SLC2A13: variants seen among roughly 807,000 people sequenced by gnomAD.
The protein encoded by SLC2A13 is proton myo-inositol cotransporter.
A neutral mutation model predicts 64.4 loss-of-function variants in SLC2A13; 32 were observed. The observed-to-expected ratio is 0.50, with a 90% CI of 0.37 to 0.67. SLC2A13 has a LOEUF of 0.67. Among genes scored for constraint, SLC2A13 ranks in the 30% least tolerant of loss-of-function variants. The pLI, the probability that SLC2A13 is intolerant of heterozygous loss-of-function variation, is 0.00. For missense variants in SLC2A13, 743 were observed against 829.2 expected, an observed-to-expected ratio of 0.90 and a Z score of 1.28; for synonymous variants, 338 against 327.1, an observed-to-expected ratio of 1.03 and a Z score of -0.36.
intron 1 of SLC2A13, among the ~76,000 whole-genome samples, chr12:40,082,375 C>A (rs1352699200): frequency 6.6e-6 from 1 of 152,168 alleles, no homozygotes; most frequent in African/African-American, 2.4e-5. Context: ...TTGCATTTTG[C>A]ATTATTTCCA....
At chr12:39,953,601 G>A (rs1009976296) in intron 3 of SLC2A13, among the ~76,000 whole-genome samples, 3 of 151,996 alleles carry the variant, frequency 2.0e-5, no homozygotes, top group Non-Finnish European at 4.4e-5. Flanking sequence ...CATTTCTTTT[G>A]CTTTTGTAAT....
chr12:39,893,162 A>G (rs1169461617), intron 4 of SLC2A13, among the ~76,000 whole-genome samples: 1 of 152,244 alleles, frequency 6.6e-6, no homozygotes, highest in Non-Finnish European at 1.5e-5. Context: ...AAGCAACAAC[A>G]TATTCAGTCA....
intron 4 of SLC2A13, among the ~76,000 whole-genome samples, chr12:39,884,380 T>A (rs1944420782): frequency 6.6e-6 from 1 of 152,202 alleles, no homozygotes; most frequent in Admixed American, 6.6e-5. Flanking sequence ...TTCGCCAAAC[T>A]TCGTATTTTC....
At chr12:39,881,493 C>T (rs1301169880) in intron 4 of SLC2A13, among the ~76,000 whole-genome samples, 1 of 152,106 alleles carries the variant, frequency 6.6e-6, no homozygotes, top group Non-Finnish European at 1.5e-5. Flanking sequence ...TTTCACCTCG[C>T]CTCATCATGT....
At chr12:39,887,147 T>C (rs938666738) in intron 4 of SLC2A13, among the ~76,000 whole-genome samples, 4 of 152,224 alleles carry the variant, frequency 2.6e-5, no homozygotes, top group African/African-American at 9.6e-5. Flanking sequence ...TTTAACACTT[T>C]AAATTTTTTT....
At chr12:39,974,027 G>GT (rs1189804572) in intron 3 of SLC2A13, among the ~76,000 whole-genome samples, 2 of 152,198 alleles carry the variant, frequency 1.3e-5, no homozygotes. Flanking sequence ...CTCAGTTTCT[G>GT]TAAGAGTTCT....
At chr12:39,922,315 A>C (rs1379621952) in intron 4 of SLC2A13, among the ~76,000 whole-genome samples, 1 of 151,902 alleles carries the variant, frequency 6.6e-6, no homozygotes, top group East Asian at 1.9e-4. Context: ...CCAGAAGATA[A>C]CCCCCACCCT....
intron 1 of SLC2A13, among the ~76,000 whole-genome samples, chr12:40,057,637 TG>T (rs1317248071): frequency 5.3e-5 from 8 of 152,146 alleles, no homozygotes; most frequent in Admixed American, 2.6e-4. Flanking sequence ...ACATATTTCT[TG>T]AGCTACACTG....
At position 39,755,798 on chromosome 12, in the gene SLC2A13, GTACATA is replaced by G. The variant is rs1317857597; in HGVS notation, c.*4222_*4227del. On this transcript the variant is annotated 3_prime_UTR_variant, in exon 10 of 10. Transcript: ENST00000280871. ...TCAAGTACAACAGACTATATATTTTGTACATATAAAGATTTACATAAATTATATTGT... is the reference window on the plus strand; with the variant it reads ...TCAAGTACAACAGACTATATATTTTGTAAAGATTTACATAAATTATATTGT... 6.6e-6 allele frequency: 1 copy of G among 151,874 alleles called. No homozygotes were observed. Among genetic ancestry groups the G allele is most frequent in the African/African-American group, 2.4e-5 (1 of 41,372 alleles). The allele number at this position is 151,874 out of a possible 1,614,324, so 9.4% of individuals were successfully genotyped here. A position where few individuals can be genotyped will look rare whatever the true frequency, so the allele number is the denominator to read the frequency against.
intron 7 of SLC2A13, among the ~76,000 whole-genome samples, chr12:39,766,465 G>A (rs1166466460): frequency 6.6e-6 from 1 of 152,058 alleles, no homozygotes; most frequent in Non-Finnish European, 1.5e-5. Flanking sequence ...TTTTGGTGGA[G>A]GGTCTTGCCT....
chr12:39,953,456 A>G (rs1048487393), intron 3 of SLC2A13, among the ~76,000 whole-genome samples: 1 of 152,166 alleles, frequency 6.6e-6, no homozygotes, highest in Non-Finnish European at 1.5e-5. Flanking sequence ...ATTAGGCAGT[A>G]AAACTTCCTT....
chr12:40,056,772 C>T (rs919273786), intron 1 of SLC2A13, among the ~76,000 whole-genome samples: 5 of 152,034 alleles, frequency 3.3e-5, no homozygotes, highest in African/African-American at 1.2e-4. Context: ...CAATAAAGGG[C>T]TGAGGAGTAA....
At chr12:39,997,786 G>A (rs746683961) in intron 3 of SLC2A13, among the ~76,000 whole-genome samples, 5 of 152,060 alleles carry the variant, frequency 3.3e-5, no homozygotes, top group Admixed American at 6.6e-5. Context: ...AGCCGAGATC[G>A]CACCACTGCA....
At chr12:39,763,527 C>T (rs1940240523) in intron 9 of SLC2A13, among the ~76,000 whole-genome samples, 1 of 152,002 alleles carries the variant, frequency 6.6e-6, no homozygotes, top group African/African-American at 2.4e-5. Context: ...ACAGTCCTGG[C>T]CCTCCAGGGA....
At chr12:39,895,220 A>G (rs1480104830) in intron 4 of SLC2A13, among the ~76,000 whole-genome samples, 1 of 151,986 alleles carries the variant, frequency 6.6e-6, no homozygotes, top group Non-Finnish European at 1.5e-5. Flanking sequence ...GTACCTCAGG[A>G]TGTAACTAAA....
chr12:39,758,022 T>G lies in SLC2A13; in HGVS notation c.*2004A>C, dbSNP rs1458337681. 1.3e-5 allele frequency: 2 copies of G among 151,790 alleles called. No homozygotes were observed. Among genetic ancestry groups the G allele is most frequent in the Non-Finnish European group, 3.0e-5 (2 of 67,682 alleles). 9.4% of individuals were successfully genotyped at this position (151,790 alleles called of 1,614,324 possible). On this transcript the variant is annotated 3_prime_UTR_variant, in exon 10 of 10. Coordinates refer to ENST00000280871, the MANE Select transcript of SLC2A13 (RefSeq NM_052885.4). ...ACTTCAATTTACCTGTGTAAAATATTAGATAAGAAATTTCTTATGAGATAA... is the reference window on the plus strand; with the variant it reads ...ACTTCAATTTACCTGTGTAAAATATGAGATAAGAAATTTCTTATGAGATAA...
At chr12:39,994,392 A>C (rs1406441932) in intron 3 of SLC2A13, among the ~76,000 whole-genome samples, 2 of 151,818 alleles carry the variant, frequency 1.3e-5, no homozygotes, top group African/African-American at 4.8e-5. Context: ...CAAAAAAAAA[A>C]AAAACAAAAA....
intron 2 of SLC2A13, among the ~76,000 whole-genome samples, chr12:40,046,117 A>G (rs1004108080): frequency 5.3e-5 from 8 of 152,234 alleles, no homozygotes; most frequent in Non-Finnish European, 1.0e-4. Context: ...TATAATAAGT[A>G]ATTTGGATCC....
chr12:39,989,330 C>A (rs953501590), intron 3 of SLC2A13, among the ~76,000 whole-genome samples: 1 of 152,182 alleles, frequency 6.6e-6, no homozygotes, highest in Non-Finnish European at 1.5e-5. Flanking sequence ...CCTCAATATC[C>A]TCAACCATCC....
Sources: gnomAD v4.1 joint callset for allele counts (sites outside exome capture counted in the v4.1 genomes callset) on GRCh38, gnomAD v4.1.1 for gene constraint, MANE v1.5 for transcripts, NCBI Gene and HGNC (gene_info 2026-07-23, HGNC 2026-07-21) for gene names.